The following PPP1R37 variants were observed in gnomAD, a reference collection of about 807,000 sequenced individuals.
PPP1R37 encodes the protein protein phosphatase 1 regulatory subunit 37.
In PPP1R37, 21 loss-of-function variants were observed where a neutral mutation model predicts 61.0. That is an observed-to-expected ratio of 0.34 (90% CI 0.24 to 0.50). PPP1R37 has a LOEUF of 0.50. PPP1R37 is among the 20% of genes least tolerant of loss of function. The pLI, the probability that PPP1R37 is intolerant of heterozygous loss-of-function variation, is 0.98. For missense variants in PPP1R37, 910 were observed against 952.7 expected (o/e 0.96, Z 0.59); for synonymous variants, 443 against 433.5 (o/e 1.02, Z -0.27).
chr19:45,123,138 GCCACTGCC>G (rs1409117611), intron 1 of PPP1R37, among the ~76,000 whole-genome samples: 1 of 145,008 alleles, frequency 6.9e-6, no homozygotes. Flanking sequence ...ATGCTGTTCT[GCCACTGCC>G]CCTGGATTTG....
intron 1 of PPP1R37, among the ~76,000 whole-genome samples, chr19:45,096,566 T>G (rs952841660): frequency 6.6e-6 from 1 of 152,172 alleles, no homozygotes; most frequent in Non-Finnish European, 1.5e-5. Context: ...TGTTTTCACG[T>G]GCAGTCTTGA....
chr19:45,103,201 C>T (rs895550219), intron 1 of PPP1R37, among the ~76,000 whole-genome samples: 4 of 152,216 alleles, frequency 2.6e-5, no homozygotes, highest in Non-Finnish European at 5.9e-5. Flanking sequence ...GTTGTTCTCA[C>T]CCCTTCCCTT....
At chr19:45,123,142 C>T (rs1968361974) in intron 1 of PPP1R37, among the ~76,000 whole-genome samples, 2 of 152,070 alleles carry the variant, frequency 1.3e-5, no homozygotes, top group African/African-American at 4.8e-5. Flanking sequence ...TGTTCTGCCA[C>T]TGCCCCTGGA....
chr19:45,105,676 G>T (rs952298199), intron 1 of PPP1R37, among the ~76,000 whole-genome samples: 2 of 152,102 alleles, frequency 1.3e-5, no homozygotes, highest in Admixed American at 6.6e-5. Flanking sequence ...CACGGGCTTG[G>T]GATCCTTGAT....
chr19:45,110,393 G>C (rs1003546135), intron 1 of PPP1R37, among the ~76,000 whole-genome samples: 1 of 152,032 alleles, frequency 6.6e-6, no homozygotes, highest in African/African-American at 2.4e-5. Context: ...TGGGATTACA[G>C]CCATGAGCCA....
intron 1 of PPP1R37, among the ~76,000 whole-genome samples, chr19:45,112,541 G>C (rs1174406836): frequency 2.0e-5 from 3 of 152,202 alleles, no homozygotes; most frequent in Non-Finnish European, 4.4e-5. Context: ...GCAGCTGTGT[G>C]CCTAGTGTAG....
intron 1 of PPP1R37, among the ~76,000 whole-genome samples, chr19:45,115,690 TGCGGCCAG>T (rs2122724147): frequency 6.6e-6 from 1 of 152,198 alleles, no homozygotes; most frequent in Admixed American, 6.5e-5. Flanking sequence ...CGTTAAAAGT[TGCGGCCAG>T]GCGCAGTGGC....
At chr19:45,132,956 T>C (rs1046373394) in intron 1 of PPP1R37, among the ~76,000 whole-genome samples, 1 of 152,158 alleles carries the variant, frequency 6.6e-6, no homozygotes, top group African/African-American at 2.4e-5. Context: ...CCCTGGGAGT[T>C]AGTTACACTC....
chr19:45,129,918 A>G (rs1339096282), intron 1 of PPP1R37, among the ~76,000 whole-genome samples: 1 of 152,232 alleles, frequency 6.6e-6, no homozygotes, highest in East Asian at 1.9e-4. Context: ...AAAAACAATA[A>G]TAGTCGAGGC....
At chr19:45,097,120 G>C (rs1410913397) in intron 1 of PPP1R37, among the ~76,000 whole-genome samples, 1 of 152,120 alleles carries the variant, frequency 6.6e-6, no homozygotes, top group Non-Finnish European at 1.5e-5. Context: ...TGGGTCTAAG[G>C]GGAGGCCCAA....
In PPP1R37 at chr19:45,093,619, T is replaced by C. The variant is rs1327430363; in HGVS notation, c.202+92T>C. ...GGGCCCGGCTCGAGGTGGCGTTCAA[T>C]AGATTGCACCTAATGGTGAATAAGG... On this transcript the variant is annotated intron_variant, in intron 1 of 12. Coordinates refer to ENST00000221462, the MANE Select transcript of PPP1R37 (RefSeq NM_019121.2). 12 of 930,340 alleles carry C rather than the reference T, an allele frequency of 1.3e-5. No homozygotes were observed. In the East Asian group the frequency reaches 2.6e-4, roughly 20 times the overall value. The allele number at this position is 930,340 out of a possible 1,614,324, so 57.6% of individuals were successfully genotyped here.
At chr19:45,128,900 C>A in intron 1 of PPP1R37, 1 of 685,536 alleles carries the variant, frequency 1.5e-6, no homozygotes, top group Non-Finnish European at 2.7e-6. Flanking sequence ...GCGAGAGGAC[C>A]TTCTTCGTCT....
rs1968444001 is a variant in PPP1R37 at position 45,129,044 on chromosome 19, G to A, written c.203-9470G>A. 7.9e-6 allele frequency: 6 copies of A among 757,006 alleles called. No individual in the cohort carries two copies. In the African/African-American group the frequency reaches 8.7e-5, roughly 11 times the overall value. 46.9% of individuals were successfully genotyped at this position (757,006 alleles called of 1,614,324 possible). ...CCATGGCAAAAGAACTGGCTCCCAGGGTGACAGTGGTGGCAGCAGTGATCT... is the reference window on the plus strand; with the variant it reads ...CCATGGCAAAAGAACTGGCTCCCAGAGTGACAGTGGTGGCAGCAGTGATCT... On this transcript the variant is annotated intron_variant, in intron 1 of 12. Coordinates refer to ENST00000221462, the MANE Select transcript of PPP1R37 (RefSeq NM_019121.2).
chr19:45,096,468 G>C (rs1042942262), intron 1 of PPP1R37, among the ~76,000 whole-genome samples: 3 of 152,192 alleles, frequency 2.0e-5, no homozygotes, highest in African/African-American at 7.2e-5. Flanking sequence ...TGGGGTAGTT[G>C]TGAAGATGAA....
At position 45,127,809 on chromosome 19, in the gene PPP1R37, T is replaced by C. The variant is rs749013740; in HGVS notation, c.203-10705T>C. Among the ~76,000 whole-genome samples, 18 of 152,076 alleles carry C rather than the reference T, an allele frequency of 1.2e-4. No individual in the cohort carries two copies. In the Middle Eastern group the frequency reaches 0.01, roughly 86 times the overall value. On this transcript the variant is annotated intron_variant, in intron 1 of 12. Coordinates refer to ENST00000221462, the MANE Select transcript of PPP1R37 (RefSeq NM_019121.2). ...GACTAACACAGTGAAACCCTGTCTC[T>C]ACTAAAAATACAAAAATTAGCCAGG...
At chr19:45,118,971 T>TC (rs1259065359) in intron 1 of PPP1R37, among the ~76,000 whole-genome samples, 1 of 151,960 alleles carries the variant, frequency 6.6e-6, no homozygotes, top group Non-Finnish European at 1.5e-5. Flanking sequence ...TTTTTTTTTT[T>TC]CTCATTTAAC....
intron 1 of PPP1R37, chr19:45,128,808 G>A (rs1190395225): frequency 4.9e-6 from 3 of 618,244 alleles, no homozygotes; most frequent in African/African-American, 1.8e-5. Context: ...TAATGTGGGT[G>A]TCCCCAGCAT....
intron 1 of PPP1R37, among the ~76,000 whole-genome samples, chr19:45,119,876 G>A (rs1968317715): frequency 1.3e-5 from 2 of 152,216 alleles, no homozygotes; most frequent in Non-Finnish European, 2.9e-5. Context: ...CCCAGGAGGG[G>A]CTTTAGGGGC....
intron 1 of PPP1R37, among the ~76,000 whole-genome samples, chr19:45,135,256 A>G (rs1219754849): frequency 2.0e-5 from 3 of 152,084 alleles, no homozygotes; most frequent in African/African-American, 7.2e-5. Flanking sequence ...TCAAAAAAAA[A>G]GAAGAGGTGC....
Sources: allele counts gnomAD v4.1 joint callset (sites outside exome capture counted in the v4.1 genomes callset), GRCh38; gene constraint gnomAD v4.1.1; transcripts MANE v1.5; gene names NCBI Gene and HGNC (gene_info 2026-07-23, HGNC 2026-07-21).